HSD17B12: variants seen among roughly 807,000 people sequenced by gnomAD.
HSD17B12 encodes the protein very-long-chain 3-oxoacyl-CoA reductase.
A neutral mutation model predicts 39.3 loss-of-function variants in HSD17B12; 32 were observed. The ratio of observed to expected loss-of-function variants is 0.81; its 90% CI spans 0.61 to 1.09. The LOEUF (loss-of-function observed/expected upper bound fraction) is 1.09, where lower values mean the gene tolerates loss of function less well. HSD17B12 is among the 50% of genes least tolerant of loss of function. The pLI is 0.00. For missense variants in HSD17B12, 342 were observed against 382.9 expected (o/e 0.89, Z 0.89); for synonymous variants, 150 against 146.7 (o/e 1.02, Z -0.16).
chr11:43,692,645 C>T (rs773781495), intron 1 of HSD17B12, among the ~76,000 whole-genome samples: 4 of 152,124 alleles, frequency 2.6e-5, no homozygotes, highest in Non-Finnish European at 4.4e-5. Flanking sequence ...TTTAGTAACA[C>T]CTTGCTAATT....
At chr11:43,758,531 G>T (rs1254957071) in intron 3 of HSD17B12, among the ~76,000 whole-genome samples, 1 of 152,136 alleles carries the variant, frequency 6.6e-6, no homozygotes, top group Non-Finnish European at 1.5e-5. Context: ...TTGTAATTCT[G>T]CAACTGGCAC....
chr11:43,795,640 T>C (rs181729072), intron 3 of HSD17B12, among the ~76,000 whole-genome samples: 1 of 152,238 alleles, frequency 6.6e-6, no homozygotes, highest in East Asian at 1.9e-4. Flanking sequence ...CCTCCGAACA[T>C]TGTTGTCTGC....
chr11:43,631,016 G>A, the HSD17B12 span, among the ~76,000 whole-genome samples: 2 of 152,116 alleles, frequency 1.3e-5, no homozygotes, highest in Admixed American at 1.3e-4. Flanking sequence ...TGTTGGTCAG[G>A]CTGGTCTCGA....
At chr11:43,693,203 G>A (rs1949878802) in intron 1 of HSD17B12, among the ~76,000 whole-genome samples, 1 of 152,214 alleles carries the variant, frequency 6.6e-6, no homozygotes, top group South Asian at 2.1e-4. Flanking sequence ...GTGGTAGATT[G>A]ATTAAAAGCA....
the HSD17B12 span, among the ~76,000 whole-genome samples, chr11:43,664,671 TCCC>T: frequency 6.6e-6 from 1 of 152,216 alleles, no homozygotes; most frequent in South Asian, 2.1e-4. Context: ...GCCTGGAACT[TCCC>T]TTGAAGGAAT....
chr11:43,653,287 C>G, the HSD17B12 span, among the ~76,000 whole-genome samples: 1 of 152,054 alleles, frequency 6.6e-6, no homozygotes, highest in Non-Finnish European at 1.5e-5. Flanking sequence ...ATACTGTATT[C>G]AAAGATGGAG....
At chr11:43,663,959 T>C in the HSD17B12 span, among the ~76,000 whole-genome samples, 1 of 151,626 alleles carries the variant, frequency 6.6e-6, no homozygotes. Context: ...GCCTCCTGGG[T>C]TCAAGCGATT....
intron 3 of HSD17B12, among the ~76,000 whole-genome samples, chr11:43,796,560 A>G (rs1950918198): frequency 6.6e-6 from 1 of 152,194 alleles, no homozygotes; most frequent in African/African-American, 2.4e-5. Context: ...ACTAAATAAC[A>G]TTCTTCGTGA....
intron 1 of HSD17B12, among the ~76,000 whole-genome samples, chr11:43,731,367 A>T (rs942596626): frequency 2.0e-5 from 3 of 152,216 alleles, no homozygotes; most frequent in African/African-American, 4.8e-5. Flanking sequence ...CCTTATGTTT[A>T]TCTGGGTGGA....
At chr11:43,697,668 G>A (rs935933336) in intron 1 of HSD17B12, among the ~76,000 whole-genome samples, 1 of 152,170 alleles carries the variant, frequency 6.6e-6, no homozygotes, top group Admixed American at 6.5e-5. Flanking sequence ...GGCAGGTGAG[G>A]GGTGTTGGAG....
chr11:43,642,048 C>T, the HSD17B12 span, among the ~76,000 whole-genome samples: 2 of 151,574 alleles, frequency 1.3e-5, no homozygotes, highest in East Asian at 1.9e-4. Flanking sequence ...TAAAAGTATA[C>T]AAAATGTTTC....
At chr11:43,651,650 G>A in the HSD17B12 span, among the ~76,000 whole-genome samples, 26 of 152,172 alleles carry the variant, frequency 1.7e-4, no homozygotes, top group Admixed American at 3.9e-4. Context: ...GTGCAATCTC[G>A]GCTCCCTGCA....
intron 4 of HSD17B12, among the ~76,000 whole-genome samples, chr11:43,810,927 G>A (rs189165044): frequency 2.0e-5 from 3 of 152,308 alleles, no homozygotes; most frequent in East Asian, 1.9e-4. Context: ...CCATTTAGAA[G>A]GGATCTTCAA....
chr11:43,596,519 A>G, the HSD17B12 span, among the ~76,000 whole-genome samples: 3 of 151,994 alleles, frequency 2.0e-5, no homozygotes, highest in South Asian at 6.2e-4. Flanking sequence ...TGCAGCCTCT[A>G]TCTCCTGGGC....
At chr11:43,620,566 A>G in the HSD17B12 span, among the ~76,000 whole-genome samples, 1 of 152,244 alleles carries the variant, frequency 6.6e-6, no homozygotes, top group Non-Finnish European at 1.5e-5. Context: ...GTTACGTGTC[A>G]TGGTCATGGA....
the HSD17B12 span, among the ~76,000 whole-genome samples, chr11:43,595,601 T>C: frequency 1.3e-5 from 2 of 152,236 alleles, no homozygotes; most frequent in African/African-American, 4.8e-5. Flanking sequence ...TTTCAAGTGA[T>C]CTTCAGCTGT....
At chr11:43,830,881 G>A in intron 6 of HSD17B12, 95 bp from the exon 7 acceptor site, 1 of 961,422 alleles carries the variant, frequency 1.0e-6, no homozygotes, top group African/African-American at 1.6e-5. Context: ...ATGGTTTCAT[G>A]ATTCCCTTCT....
At chr11:43,694,018 A>T (rs902440611) in intron 1 of HSD17B12, among the ~76,000 whole-genome samples, 2 of 152,258 alleles carry the variant, frequency 1.3e-5, no homozygotes, top group Admixed American at 6.5e-5. Context: ...ACGTGAAAAC[A>T]AAAGCCACAT....
Position 43,717,746 on chromosome 11 carries a change from A to G in HSD17B12, c.161-33165A>G, listed in dbSNP as rs1950136929. On this transcript the variant is annotated intron_variant, in intron 1 of 10. Transcript: ENST00000278353. ...AAGGTGAAAACAGAAGTTGTAAGAT[A>G]TCTTAAGGCCTTGATCTGAAAGTTA... 4.0e-5 allele frequency among the ~76,000 whole-genome samples: 6 copies of G among 151,496 alleles called. 1 individual carries two copies. The South Asian group carries it at 1.2e-3, about 31-fold the overall frequency.
Sources: allele counts gnomAD v4.1 joint callset (sites outside exome capture counted in the v4.1 genomes callset), GRCh38; gene constraint gnomAD v4.1.1; transcripts MANE v1.5; gene names NCBI Gene and HGNC (gene_info 2026-07-23, HGNC 2026-07-21).